Variants in LVRN observed in about 807,000 individuals in gnomAD.
LVRN encodes laeverin.
In LVRN, 99 loss-of-function variants were observed where a neutral mutation model predicts 111.4. The observed-to-expected ratio is 0.89, with a 90% confidence interval of 0.76 to 1.05. The LOEUF (loss-of-function observed/expected upper bound fraction) is 1.05, where lower values mean the gene tolerates loss of function less well. Among genes scored for constraint, LVRN ranks in the 50% least tolerant of loss-of-function variants. LVRN has a pLI of 0.00. For synonymous variants in LVRN, 488 were observed against 449.5 expected (o/e 1.09, Z -1.08); for missense variants, 1,414 against 1,206.8 (o/e 1.17, Z -2.54).
In LVRN at chr5:116,010,791, C is replaced by G. The variant is rs747816238; in HGVS notation, c.2144C>G (p.Ala715Gly). 1.2e-6 allele frequency: 2 copies of G among 1,610,386 alleles called. No homozygotes were observed. Among genetic ancestry groups the G allele is most frequent in the Non-Finnish European group, 1.7e-6 (2 of 1,178,730 alleles). The change falls in exon 14 of 20, where the codon GCT (alanine) becomes GGT (glycine). Residue 715 changes from alanine to glycine, a missense_variant. Physicochemically the swap from Ala to Gly is moderately conservative, Grantham distance 60. Coordinates refer to ENST00000357872, the MANE Select transcript of LVRN (RefSeq NM_173800.5). ...ETALELTKYL[A>G]EEDEIIVWHT... Reference sequence around the variant, plus strand: ...GCACTTGAGTTAACCAAGTACCTTGCTGAAGAAGATGAAATTATAGTATGG... The same window carrying G: ...GCACTTGAGTTAACCAAGTACCTTGGTGAAGAAGATGAAATTATAGTATGG...
At chr5:116,014,080 T>C (rs903353658) in intron 15 of LVRN, among the ~76,000 whole-genome samples, 2 of 152,182 alleles carry the variant, frequency 1.3e-5, no homozygotes, top group South Asian at 2.1e-4. Flanking sequence ...CATAAGGCAA[T>C]TGCAGTAAAA....
intron 4 of LVRN, 21 bp downstream of exon 4, chr5:115,987,960 C>T: frequency 6.2e-7 from 1 of 1,603,250 alleles, no homozygotes; most frequent in Non-Finnish European, 8.5e-7. Context: ...CTTTTCCTTT[C>T]AGTGCATTTG....
Position 115,963,285 on chromosome 5 carries a change from A to T in LVRN, c.668A>T (p.Asn223Ile), listed in dbSNP as rs755308773. The T allele has an allele frequency of 8.1e-6, 13 of 1,611,172 alleles. No homozygotes were observed. Among genetic ancestry groups the T allele is most frequent in the Non-Finnish European group, 1.1e-5 (13 of 1,179,108 alleles). ...GACCTCAGGGAGGGACTCTTCCTCAACGTCTACACCGACCAGGGCGAGCGC... is the reference window on the plus strand; with the variant it reads ...GACCTCAGGGAGGGACTCTTCCTCATCGTCTACACCGACCAGGGCGAGCGC... ...KEDLREGLFL[N>I]VYTDQGERRA... is the part of the protein sequence containing the mutation. Residue 223 changes from asparagine (N) to isoleucine (I), a missense_variant, in exon 1 of 20, where the codon AAC becomes ATC. Asn to Ile is a moderately radical substitution (Grantham distance 149). Transcript: ENST00000357872.
intron 1 of LVRN, among the ~76,000 whole-genome samples, chr5:115,966,316 C>A (rs1753201142): frequency 6.6e-6 from 1 of 152,158 alleles, no homozygotes; most frequent in Admixed American, 6.6e-5. Context: ...GGAATTATAT[C>A]CTTTAGACCT....
Position 116,001,258 on chromosome 5 carries a change from C to T in LVRN, c.1820+19C>T. 1 of 1,610,744 alleles carries T rather than the reference C, an allele frequency of 6.2e-7. No individual in the cohort carries two copies. Among genetic ancestry groups the T allele is most frequent in the Non-Finnish European group, 8.5e-7 (1 of 1,178,960 alleles). On this transcript the variant is annotated intron_variant, in intron 10 of 19. Coordinates refer to ENST00000357872, the MANE Select transcript of LVRN (RefSeq NM_173800.5). ...CCAGCAAGTAGGTAGCTTTGCTCCTCTTTGTCTTCACCTTCCTTGGGGTTG... is the reference window on the plus strand; with the variant it reads ...CCAGCAAGTAGGTAGCTTTGCTCCTTTTTGTCTTCACCTTCCTTGGGGTTG...
chr5:115,985,405 A>T (rs1159554937), intron 3 of LVRN, among the ~76,000 whole-genome samples: 1 of 152,118 alleles, frequency 6.6e-6, no homozygotes, highest in Non-Finnish European at 1.5e-5. Flanking sequence ...CCCAGGGCTT[A>T]TATCTTGGGG....
At chr5:115,986,644 A>T (rs151098558) in intron 3 of LVRN, among the ~76,000 whole-genome samples, 11 of 152,332 alleles carry the variant, frequency 7.2e-5, no homozygotes, top group African/African-American at 2.4e-4. Flanking sequence ...TACACTTGGA[A>T]TAGAGTCCAG....
At chr5:116,020,680 G>T (rs1346125437) in intron 18 of LVRN, among the ~76,000 whole-genome samples, 1 of 152,186 alleles carries the variant, frequency 6.6e-6, no homozygotes, top group Non-Finnish European at 1.5e-5. Context: ...TCCAAGCACT[G>T]GGGGGCCTGT....
chr5:116,007,516 C>G (rs976541352), intron 13 of LVRN, among the ~76,000 whole-genome samples: 1 of 152,110 alleles, frequency 6.6e-6, no homozygotes, highest in Non-Finnish European at 1.5e-5. Context: ...CTATCTTATC[C>G]CTGACTTTTA....
At chr5:115,964,587 C>T (rs1219978603) in intron 1 of LVRN, among the ~76,000 whole-genome samples, 2 of 145,330 alleles carry the variant, frequency 1.4e-5, no homozygotes, top group Non-Finnish European at 1.5e-5. Flanking sequence ...AACACTTCAC[C>T]TACATATCTG....
Position 116,015,752 on chromosome 5 carries a change from G to A in LVRN, c.2743G>A (p.Ala915Thr), listed in dbSNP as rs748945079. Reference sequence around the variant, plus strand: ...AGACTTCTTAGTCAACAACTGGCAAGCTGTGAGTAAAAGGTAAGAAGGAAA... The same window carrying A: ...AGACTTCTTAGTCAACAACTGGCAAACTGTGAGTAAAAGGTAAGAAGGAAA... ...AKDFLVNNWQ[A>T]VSKRYGTQSL... The change falls in exon 18 of 20, where the codon GCT becomes ACT. Residue 915 changes from alanine to threonine, a missense_variant. By Grantham distance (58) the Ala-to-Thr change is moderately conservative. Coordinates refer to ENST00000357872, the MANE Select transcript of LVRN (RefSeq NM_173800.5). 4 of 1,613,254 alleles carry A rather than the reference G, an allele frequency of 2.5e-6. No homozygotes were observed. Among genetic ancestry groups the A allele is most frequent in the South Asian group, 2.2e-5 (2 of 90,894 alleles).
chr5:115,975,124 C>G (rs1184104770), intron 1 of LVRN: 4 of 408,968 alleles, frequency 9.8e-6, no homozygotes, highest in African/African-American at 8.4e-5. Flanking sequence ...TGGGCTCTTT[C>G]AAATAAGATT....
chr5:115,983,781 T>C (rs1056673174), intron 2 of LVRN, among the ~76,000 whole-genome samples: 13 of 152,198 alleles, frequency 8.5e-5, no homozygotes, highest in Non-Finnish European at 1.5e-4. Flanking sequence ...CCTTTTTTTC[T>C]TTTGATTAAA....
intron 12 of LVRN, 130 bp downstream of exon 12, chr5:116,003,510 G>C (rs934043444): frequency 4.1e-6 from 2 of 487,402 alleles, no homozygotes; most frequent in Non-Finnish European, 3.3e-6. Flanking sequence ...GCATGCAAAA[G>C]ATTTTTTTTT....
chr5:116,009,871 G>A (rs190758472), intron 13 of LVRN, among the ~76,000 whole-genome samples: 183 of 152,312 alleles, frequency 1.2e-3, no homozygotes, highest in Non-Finnish European at 1.8e-3. Context: ...AAAGGATTGA[G>A]AATATTACGT....
chr5:116,000,492 A>G lies in LVRN; in HGVS notation c.1575A>G (p.Ala525=). The change falls in exon 8 of 20, where the codon GCA becomes GCG. Residue 525 remains alanine, a synonymous_variant. Transcript: ENST00000357872. ...CFLNEHLFVS[A]LKSYLKTFSY... is the part of the protein sequence containing the mutation. ...TGAATGAGCATTTATTTGTCAGTGC[A>G]CTCAAGGTGAGTTTGCAAAATAGTC... The G allele has an allele frequency of 6.2e-7, 1 of 1,614,148 alleles. No homozygotes were observed. The highest frequency in any genetic ancestry group is 8.5e-7 in the Non-Finnish European group (1 of 1,179,990).
At chr5:115,971,595 C>T (rs6895571) in intron 1 of LVRN, among the ~76,000 whole-genome samples, 29,378 of 151,868 alleles carry the variant, frequency 0.19, 4,790 homozygotes, top group African/African-American at 0.45. Flanking sequence ...TGAATTGTGT[C>T]TGCACTTCTG....
intron 1 of LVRN, among the ~76,000 whole-genome samples, chr5:115,969,639 T>C (rs982490541): frequency 6.6e-6 from 1 of 151,600 alleles, no homozygotes; most frequent in Non-Finnish European, 1.5e-5. Context: ...CTACTAAAAA[T>C]ACGAAAAAAA....
rs761854251 is a variant in LVRN at position 115,962,554 on chromosome 5, C to T, written c.-64C>T. The T allele has an allele frequency of 6.8e-7, 1 of 1,468,216 alleles. No homozygotes were observed. The highest frequency in any genetic ancestry group is 9.3e-7 in the Non-Finnish European group (1 of 1,075,456). 90.9% of individuals were successfully genotyped at this position (1,468,216 alleles called of 1,614,324 possible). A position where few individuals can be genotyped will look rare whatever the true frequency, so the allele number is the denominator to read the frequency against. ...GGGGTCGCAGCACTGAACACCCTGG[C>T]CGGGGTTTTGACAGCTGCCACAGTC... is the stretch of plus-strand genomic sequence containing the variant. On this transcript the variant is annotated 5_prime_UTR_variant, in exon 1 of 20. Coordinates refer to ENST00000357872, the MANE Select transcript of LVRN (RefSeq NM_173800.5).
Sources: allele counts gnomAD v4.1 joint callset (sites outside exome capture counted in the v4.1 genomes callset), GRCh38; gene constraint gnomAD v4.1.1; transcripts MANE v1.5; gene names NCBI Gene and HGNC (gene_info 2026-07-23, HGNC 2026-07-21).